The following MALRD1 variants were observed in gnomAD, a reference collection of about 807,000 sequenced individuals.
The protein encoded by MALRD1 is MAM and LDL-receptor class A domain-containing protein 1.
In MALRD1, 247 loss-of-function variants were observed where a neutral mutation model predicts 242.1. The observed-to-expected ratio is 1.02, with a 90% CI of 0.92 to 1.13. The LOEUF (loss-of-function observed/expected upper bound fraction) is 1.13, where lower values mean the gene tolerates loss of function less well. MALRD1 is among the 50% of genes most tolerant of loss of function. The probability of loss-of-function intolerance (pLI) is 0.00; values close to 1 mark genes in which losing one functional copy is unlikely to be tolerated. For missense variants in MALRD1, 2,989 were observed against 2,533.1 expected (o/e 1.18, Z -3.86); for synonymous variants, 995 against 866.6 (o/e 1.15, Z -2.60).
intron 12 of MALRD1, among the ~76,000 whole-genome samples, chr10:19,163,840 T>C (rs562090705): frequency 6.6e-6 from 1 of 152,340 alleles, no homozygotes; most frequent in East Asian, 1.9e-4. Flanking sequence ...AGTTCTGAGC[T>C]CTTATCCCAT....
At chr10:19,459,161 T>A (rs189189014) in intron 29 of MALRD1, among the ~76,000 whole-genome samples, 36 of 152,236 alleles carry the variant, frequency 2.4e-4, no homozygotes, top group Admixed American at 1.2e-3. Flanking sequence ...AAGCTATCAA[T>A]CCTTTGCAGG....
rs554679466 is a variant in MALRD1 at position 19,431,508 on chromosome 10, A to G, written c.4846-18799A>G. On this transcript the variant is annotated intron_variant, in intron 28 of 39. Transcript: ENST00000454679. ...CTTTTATGAGTAGTAACATATTTCT[A>G]TATTTTATTTTTATGTACTGTTAGA... Among the ~76,000 whole-genome samples, 3 of 152,114 alleles carry G rather than the reference A, an allele frequency of 2.0e-5. No homozygotes were observed. In the South Asian group the frequency reaches 6.2e-4, roughly 32 times the overall value.
At chr10:19,186,843 G>T (rs191816744) in intron 14 of MALRD1, among the ~76,000 whole-genome samples, 1 of 152,106 alleles carries the variant, frequency 6.6e-6, no homozygotes, top group East Asian at 1.9e-4. Flanking sequence ...CACTACTCTT[G>T]TTCATTTTGT....
Position 19,175,255 on chromosome 10 carries a change from AG to A in MALRD1, c.1879del (p.Asp627MetfsTer82). ...VLSSNATVAL[D>X]DISVSQECEI... is the part of the protein sequence containing the mutation. ...TGTCGTCAAATGCTACCGTTGCTCT[AG>A]ATGACATCAGTGTGTCCCAGGAATG... On this transcript the variant is annotated frameshift_variant, in exon 14 of 40. Transcript: ENST00000454679. LOFTEE classifies it high-confidence loss of function. The A allele has an allele frequency of 8.1e-7, 1 of 1,230,428 alleles. No homozygotes were observed. The highest frequency in any genetic ancestry group is 1.0e-6 in the Non-Finnish European group (1 of 987,212). The allele number at this position is 1,230,428 out of a possible 1,614,324, so 76.2% of individuals were successfully genotyped here. A position where few individuals can be genotyped will look rare whatever the true frequency, so the allele number is the denominator to read the frequency against.
chr10:19,387,199 A>G (rs937934806), intron 26 of MALRD1, among the ~76,000 whole-genome samples: 2 of 151,958 alleles, frequency 1.3e-5, no homozygotes, highest in African/African-American at 4.8e-5. Flanking sequence ...AAGGCCTCAC[A>G]TTGGCTCTCA....
chr10:19,484,294 TAAG>T (rs1387251944), intron 29 of MALRD1, among the ~76,000 whole-genome samples: 4 of 152,138 alleles, frequency 2.6e-5, no homozygotes, highest in African/African-American at 4.8e-5. Context: ...ATTATAAAAA[TAAG>T]AAAAGTTTTC....
At chr10:19,460,089 A>G (rs117280980) in intron 29 of MALRD1, among the ~76,000 whole-genome samples, 3,735 of 152,156 alleles carry the variant, frequency 0.025, 61 homozygotes, top group Non-Finnish European at 0.039. Context: ...TGGTGTTTCC[A>G]TTTTTACTGA....
chr10:19,499,643 G>A (rs1273094342), intron 31 of MALRD1, among the ~76,000 whole-genome samples: 1 of 152,090 alleles, frequency 6.6e-6, no homozygotes, highest in Non-Finnish European at 1.5e-5. Flanking sequence ...ACATCCTGTT[G>A]ATTCTGTTTC....
rs1437112734 is a variant in MALRD1 at position 19,169,508 on chromosome 10, A to T, written c.1830+3698A>T. Among the ~76,000 whole-genome samples the T allele has an allele frequency of 3.3e-5, 5 of 152,182 alleles. No individual in the cohort carries two copies. The East Asian group carries it at 5.8e-4, about 18-fold the overall frequency. ...ACTAATGTTAACATTTTGTTTGCTT[A>T]TAATGTTAAAGTTTGTTTGCTTATG... On this transcript the variant is annotated intron_variant, in intron 13 of 39. Coordinates refer to ENST00000454679, the MANE Select transcript of MALRD1 (RefSeq NM_001142308.3).
chr10:19,199,571 C>T (rs1033779902), intron 14 of MALRD1, among the ~76,000 whole-genome samples: 5 of 152,050 alleles, frequency 3.3e-5, no homozygotes, highest in Non-Finnish European at 5.9e-5. Context: ...GAGGCCCAGG[C>T]GGGTGGATCA....
chr10:19,128,467 T>C, intron 8 of MALRD1, 80 bp downstream of exon 8: 1 of 955,944 alleles, frequency 1.0e-6, no homozygotes, highest in Non-Finnish European at 1.4e-6. Context: ...TTTCGATTTC[T>C]CAGTTGCGCA....
At chr10:19,124,968 C>T (rs1837205378) in intron 7 of MALRD1, among the ~76,000 whole-genome samples, 2 of 52,570 alleles carry the variant, frequency 3.8e-5, no homozygotes, top group African/African-American at 1.4e-4. Context: ...TTTTTTGAGA[C>T]AGAGTCTCAA....
chr10:19,472,379 G>A (rs1177900199), intron 29 of MALRD1, among the ~76,000 whole-genome samples: 21 of 151,900 alleles, frequency 1.4e-4, no homozygotes, highest in Admixed American at 1.4e-3. Context: ...TAGTGTTTTT[G>A]TCTGGCTTTG....
chr10:19,319,135 A>G (rs916238648), intron 21 of MALRD1, among the ~76,000 whole-genome samples: 2 of 152,076 alleles, frequency 1.3e-5, no homozygotes, highest in Non-Finnish European at 2.9e-5. Flanking sequence ...TATGATAAAC[A>G]GAAATCCTTA....
rs11443184 is a variant in MALRD1, at chr10:19,176,366, CTTTTTT to C, written c.1951+1052_1951+1057del. Among the ~76,000 whole-genome samples, 396 of 87,298 alleles carry C rather than the reference CTTTTTT, an allele frequency of 4.5e-3. 27 individuals are homozygous for C. Among genetic ancestry groups the C allele is most frequent in the Admixed American group, 0.012 (85 of 6,840 alleles). 57.3% of individuals were successfully genotyped at this position (87,298 alleles called of 152,430 possible). A position where few individuals can be genotyped will look rare whatever the true frequency, so the allele number is the denominator to read the frequency against. ...TCGAGAGAGTGTATATTTCTGGGTG[CTTTTTT>C]TTTTTTTTTTTTTGAGACGGAGTCT... On this transcript the variant is annotated intron_variant, in intron 14 of 39. Transcript: ENST00000454679.
chr10:19,312,290 C>T (rs571033618), intron 21 of MALRD1, among the ~76,000 whole-genome samples: 6 of 150,802 alleles, frequency 4.0e-5, no homozygotes, highest in African/African-American at 1.5e-4. Flanking sequence ...TTCTGTATAA[C>T]ACATTACAGT....
At chr10:19,566,298 A>ATTTTTTTTTT (rs10548629) in intron 32 of MALRD1, among the ~76,000 whole-genome samples, 321 of 111,102 alleles carry the variant, frequency 2.9e-3, no homozygotes, top group East Asian at 5.0e-3. Flanking sequence ...TGCCTGGCTA[A>ATTTTTTTTTT]TTTTTTTTTT....
intron 36 of MALRD1, among the ~76,000 whole-genome samples, chr10:19,628,065 A>G (rs965063969): frequency 6.7e-6 from 1 of 150,190 alleles, no homozygotes; most frequent in African/African-American, 2.5e-5. Context: ...ACTAATGAAT[A>G]AATAAGTGCA....
chr10:19,694,484 A>C (rs1331233466), intron 38 of MALRD1, among the ~76,000 whole-genome samples: 1 of 152,250 alleles, frequency 6.6e-6, no homozygotes, highest in Non-Finnish European at 1.5e-5. Context: ...GCTCATCATC[A>C]CTGGCCATCA....
Sources: allele counts gnomAD v4.1 joint callset (sites outside exome capture counted in the v4.1 genomes callset), GRCh38; gene constraint gnomAD v4.1.1; transcripts MANE v1.5; gene names NCBI Gene and HGNC (gene_info 2026-07-23, HGNC 2026-07-21).